The following JCAD variants were observed in gnomAD, a reference collection of about 807,000 sequenced individuals.
JCAD encodes the protein junctional cadherin 5 associated.
In JCAD, 40 loss-of-function variants were observed where a neutral mutation model predicts 98.0. That is an observed-to-expected ratio of 0.41 (90% CI 0.32 to 0.53). The LOEUF (loss-of-function observed/expected upper bound fraction) is 0.53, where lower values mean the gene tolerates loss of function less well. JCAD is among the 20% of genes least tolerant of loss of function. The pLI, the probability that JCAD is intolerant of heterozygous loss-of-function variation, is 0.31. For synonymous variants in JCAD, 691 were observed against 682.3 expected (o/e 1.01, Z -0.20); for missense variants, 1,705 against 1,738.1 (o/e 0.98, Z 0.34).
intron 1 of JCAD, among the ~76,000 whole-genome samples, chr10:30,103,330 A>T (rs1389289462): frequency 1.3e-5 from 2 of 152,164 alleles, no homozygotes; most frequent in Admixed American, 6.6e-5. Flanking sequence ...CAAAAATAGG[A>T]CTACCAAAAA....
intron 1 of JCAD, among the ~76,000 whole-genome samples, chr10:30,106,563 C>A (rs1003920810): frequency 6.6e-6 from 1 of 152,208 alleles, no homozygotes; most frequent in Non-Finnish European, 1.5e-5. Flanking sequence ...TGCAGTGGCA[C>A]TATCTCGGCT....
chr10:30,094,495 G>T (rs192902269), intron 1 of JCAD, among the ~76,000 whole-genome samples: 108 of 152,082 alleles, frequency 7.1e-4, no homozygotes, highest in African/African-American at 2.5e-3. Context: ...ACAAAAAACT[G>T]CTTACAGAGG....
chr10:30,013,508 G>A lies in JCAD; in HGVS notation c.*4375C>T, dbSNP rs1184124111. On this transcript the variant is annotated 3_prime_UTR_variant, in exon 4 of 4. Transcript: ENST00000375377. Reference sequence around the variant, plus strand: ...TGCTTTTCCCCTTGCTGGGACATATGGTTTTCATTTCTGTTTGCTGCCATA... The same window carrying A: ...TGCTTTTCCCCTTGCTGGGACATATAGTTTTCATTTCTGTTTGCTGCCATA... 6.6e-6 allele frequency: 1 copy of A among 152,170 alleles called. No homozygotes were observed. The highest frequency in any genetic ancestry group is 2.4e-5 in the African/African-American group (1 of 41,416). The allele number at this position is 152,170 out of a possible 1,614,324, so 9.4% of individuals were successfully genotyped here. A position where few individuals can be genotyped will look rare whatever the true frequency, so the allele number is the denominator to read the frequency against.
chr10:30,037,081 T>A lies in JCAD; in HGVS notation c.282-7215A>T, dbSNP rs563099159. Among the ~76,000 whole-genome samples, 15 of 152,340 alleles carry A rather than the reference T, an allele frequency of 9.8e-5. No homozygotes were observed. In the South Asian group the frequency reaches 2.7e-3, roughly 27 times the overall value. ...AGCCAGGAGCAGCGTTCTCCTCTGG[T>A]TGGCAGAAGGGGCTTTGGGCATCTC... On this transcript the variant is annotated intron_variant, in intron 2 of 3. Transcript: ENST00000375377.
chr10:30,092,074 T>TAAAGTTACTTTAA (rs1838285638), intron 1 of JCAD, among the ~76,000 whole-genome samples: 1 of 60,588 alleles, frequency 1.7e-5, no homozygotes, highest in Admixed American at 2.7e-4. Context: ...AATATATATA[T>TAAAGTTACTTTAA]ATATATATAT....
At chr10:30,019,762 A>C (rs1836618365) in intron 3 of JCAD, among the ~76,000 whole-genome samples, 1 of 152,140 alleles carries the variant, frequency 6.6e-6, no homozygotes, top group East Asian at 1.9e-4. Context: ...GTACATCTCA[A>C]ATGTTCTCAG....
At chr10:30,025,100 G>A (rs921858096) in intron 3 of JCAD, among the ~76,000 whole-genome samples, 4 of 152,158 alleles carry the variant, frequency 2.6e-5, no homozygotes. Flanking sequence ...AAATAGAAAG[G>A]GGTGGGAGGA....
chr10:30,079,910 T>A (rs534366631), intron 1 of JCAD, among the ~76,000 whole-genome samples: 1 of 152,340 alleles, frequency 6.6e-6, no homozygotes, highest in South Asian at 2.1e-4. Context: ...TTGTTCCTAA[T>A]CATCATTATT....
At chr10:30,097,060 T>C (rs1475155173) in intron 1 of JCAD, among the ~76,000 whole-genome samples, 1 of 152,162 alleles carries the variant, frequency 6.6e-6, no homozygotes, top group Non-Finnish European at 1.5e-5. Context: ...TCAATGACAA[T>C]AATGTAGACC....
At position 30,017,503 on chromosome 10, in the gene JCAD, A is replaced by G; in HGVS notation, c.*380T>C. Reference sequence around the variant, plus strand: ...ATGGAGACACAGAGGGGAGCACACCATTCACAGGCCTTTCCAAAGCATTTG... The same window carrying G: ...ATGGAGACACAGAGGGGAGCACACCGTTCACAGGCCTTTCCAAAGCATTTG... On this transcript the variant is annotated 3_prime_UTR_variant, in exon 4 of 4. Transcript: ENST00000375377. 3.2e-6 allele frequency: 1 copy of G among 316,242 alleles called. No homozygotes were observed. Among genetic ancestry groups the G allele is most frequent in the Non-Finnish European group, 5.9e-6 (1 of 169,096 alleles). 19.6% of individuals were successfully genotyped at this position (316,242 alleles called of 1,614,324 possible).
chr10:30,032,394 A>G lies in JCAD; in HGVS notation c.282-2528T>C, dbSNP rs188696370. Among the ~76,000 whole-genome samples, 655 of 152,308 alleles carry G rather than the reference A, an allele frequency of 4.3e-3. 6 individuals carry two copies. The highest frequency in any genetic ancestry group is 0.015 in the African/African-American group (623 of 41,572). On this transcript the variant is annotated intron_variant, in intron 2 of 3. Transcript: ENST00000375377. Reference sequence around the variant, plus strand: ...CAGAATCACAGTTCTAATGCAACCAAAGGAAAGTATCTGAAGAACATAATG... The same window carrying G: ...CAGAATCACAGTTCTAATGCAACCAGAGGAAAGTATCTGAAGAACATAATG...
intron 1 of JCAD, among the ~76,000 whole-genome samples, chr10:30,107,569 A>G (rs953033984): frequency 6.6e-6 from 1 of 152,222 alleles, no homozygotes; most frequent in Admixed American, 6.5e-5. Context: ...AGAGGTAACG[A>G]TAAGTACAAT....
chr10:30,114,578 T>TAA (rs11360136), intron 1 of JCAD, among the ~76,000 whole-genome samples: 35 of 124,672 alleles, frequency 2.8e-4, no homozygotes, highest in African/African-American at 9.1e-4. Flanking sequence ...ACAGCACAAT[T>TAA]AAAAAAAAAA....
chr10:30,037,478 C>T (rs753477076), intron 2 of JCAD, among the ~76,000 whole-genome samples: 1 of 152,162 alleles, frequency 6.6e-6, no homozygotes, highest in Admixed American at 6.5e-5. Context: ...GTTGCGCTGG[C>T]AGAATGGTAA....
intron 3 of JCAD, among the ~76,000 whole-genome samples, chr10:30,024,244 ATT>A (rs1744739664): frequency 6.6e-6 from 1 of 152,250 alleles, no homozygotes; most frequent in African/African-American, 2.4e-5. Flanking sequence ...CTGGTACTGT[ATT>A]ATAACAGGAT....
chr10:30,035,985 A>T (rs141438314), intron 2 of JCAD, among the ~76,000 whole-genome samples: 174 of 152,358 alleles, frequency 1.1e-3, no homozygotes, highest in African/African-American at 4.1e-3. Context: ...AAATATGAGC[A>T]TGTGAAAAAC....
intron 1 of JCAD, among the ~76,000 whole-genome samples, chr10:30,083,432 T>C (rs1838118862): frequency 6.6e-6 from 1 of 152,232 alleles, no homozygotes; most frequent in Admixed American, 6.5e-5. Flanking sequence ...CATGTGGATC[T>C]ACTAAGTAAA....
At chr10:30,078,086 G>GT (rs1157952062) in intron 1 of JCAD, among the ~76,000 whole-genome samples, 1 of 152,156 alleles carries the variant, frequency 6.6e-6, no homozygotes, top group African/African-American at 2.4e-5. Flanking sequence ...TGGTTGTTTT[G>GT]TTTTTTACAC....
chr10:30,045,025 G>A (rs146280524), intron 2 of JCAD, among the ~76,000 whole-genome samples: 81 of 152,260 alleles, frequency 5.3e-4, no homozygotes, highest in African/African-American at 1.8e-3. Context: ...GGCCAGATCT[G>A]TCGAGAACTC....
Sources: allele counts gnomAD v4.1 joint callset (sites outside exome capture counted in the v4.1 genomes callset), GRCh38; gene constraint gnomAD v4.1.1; transcripts MANE v1.5; gene names NCBI Gene and HGNC (gene_info 2026-07-23, HGNC 2026-07-21).